Variants in SH3BP1 observed in about 807,000 individuals in gnomAD.
The protein encoded by SH3BP1 is SH3 domain binding protein 1, also known as SH3 domain-binding protein 1.
SH3BP1 carries 46 observed loss-of-function variants against 69.8 expected under a neutral mutation model. The ratio of observed to expected loss-of-function variants is 0.66; its 90% CI spans 0.52 to 0.84. The LOEUF (loss-of-function observed/expected upper bound fraction) is 0.84, where lower values mean the gene tolerates loss of function less well. Ranked by LOEUF, SH3BP1 falls within the 40% of genes least tolerant of loss-of-function variation. SH3BP1 has a pLI of 0.00. For synonymous variants in SH3BP1, 403 were observed against 378.0 expected (o/e 1.07, Z -0.77); for missense variants, 868 against 930.9 (o/e 0.93, Z 0.88).
At position 37,642,529 on chromosome 22, in the gene SH3BP1, C is replaced by G. The variant is rs1267838067; in HGVS notation, c.208-10C>G. 1 of 1,612,840 alleles carries G rather than the reference C, an allele frequency of 6.2e-7. No homozygotes were observed. Among genetic ancestry groups the G allele is most frequent in the African/African-American group, 1.3e-5 (1 of 74,922 alleles). ...ACGGACACTCATCGCCGGCCCCACC[C>G]TCCCTGCAGAAGAAGCTTCCCCTCA... On this transcript the variant is annotated splice_polypyrimidine_tract_variant and intron_variant, in intron 3 of 17. Coordinates refer to ENST00000649765, the MANE Select transcript of SH3BP1 (RefSeq NM_018957.6).
rs540967559 is a variant in SH3BP1 at position 37,655,942 on chromosome 22, C to G, written c.*258C>G. 1 of 1,561,712 alleles carries G rather than the reference C, an allele frequency of 6.4e-7. No homozygotes were observed. The highest frequency in any genetic ancestry group is 8.6e-7 in the Non-Finnish European group (1 of 1,157,594). On this transcript the variant is annotated 3_prime_UTR_variant, in exon 18 of 18. Coordinates refer to ENST00000649765, the MANE Select transcript of SH3BP1 (RefSeq NM_018957.6). The stretch of plus-strand genomic sequence containing the variant: ...CTCCGGCAGGTCCTAGGGGAGCCAC[C>G]GGAAGGAAGGAGAGGTTTGCCTGCT...
In SH3BP1 at chr22:37,643,151, C is replaced by A; in HGVS notation, c.450C>A (p.Ser150=). ...KHKKSLQKLV[S]DWNTLKSRLS... Reference sequence around the variant, plus strand: ...AGAAAAGCCTCCAGAAGCTCGTGTCCGACTGGAACACACTCAAGAGCAGGT... The same window carrying A: ...AGAAAAGCCTCCAGAAGCTCGTGTCAGACTGGAACACACTCAAGAGCAGGT... The change falls in exon 6 of 18, where the codon TCC becomes TCA. Residue 150 remains serine (S), a synonymous_variant. Coordinates refer to ENST00000649765, the MANE Select transcript of SH3BP1 (RefSeq NM_018957.6). The A allele has an allele frequency of 1.2e-6, 2 of 1,607,196 alleles. No individual in the cohort carries two copies. Among genetic ancestry groups the A allele is most frequent in the East Asian group, 2.2e-5 (1 of 44,498 alleles).
intron 13 of SH3BP1, among the ~76,000 whole-genome samples, chr22:37,647,962 C>T (rs921527077): frequency 5.3e-5 from 8 of 152,376 alleles, no homozygotes; most frequent in African/African-American, 1.9e-4. Context: ...AGGCGTGAGG[C>T]ACTGCGCCCA....
intron 10 of SH3BP1, 99 bp from the exon 11 acceptor site, chr22:37,646,719 C>A (rs776601356): frequency 2.1e-5 from 13 of 630,030 alleles, no homozygotes; most frequent in Non-Finnish European, 3.3e-5. Flanking sequence ...GGACACAGGC[C>A]TAGCAAAGGC....
In SH3BP1 at chr22:37,650,595, G is replaced by A; in HGVS notation, c.1468G>A (p.Val490Ile). ...CTCAGCTGTTACCCTCCAGGACACAGTCAGTGACAGGCTGGCCTCTGAGGA... is the reference window on the plus strand; with the variant it reads ...CTCAGCTGTTACCCTCCAGGACACAATCAGTGACAGGCTGGCCTCTGAGGA... ...LFSAVTLQDT[V>I]SDRLASEELP... The change falls in exon 16 of 18, where the codon GTC becomes ATC. Residue 490 changes from valine (V) to isoleucine (I), a missense_variant. Physicochemically the swap from Val to Ile is conservative, Grantham distance 29. Around this residue, in one of 3 missense-constraint regions of SH3BP1, gnomAD observed 474 missense variants for 462.3 expected, o/e 1.03. Coordinates refer to ENST00000649765, the MANE Select transcript of SH3BP1 (RefSeq NM_018957.6). 6.2e-7 allele frequency: 1 copy of A among 1,614,076 alleles called. No individual in the cohort carries two copies. Among genetic ancestry groups the A allele is most frequent in the Non-Finnish European group, 8.5e-7 (1 of 1,180,020 alleles).
rs1473009669 is a variant in SH3BP1 at position 37,655,988 on chromosome 22, C to A, written c.*304C>A. ...CTGCTCCTACGGGACTGATTCTTCT[C>A]TTGCCGACATGTTTTTTGTAAGGCT... On this transcript the variant is annotated 3_prime_UTR_variant, in exon 18 of 18. Transcript: ENST00000649765. 4.6e-6 allele frequency: 7 copies of A among 1,517,030 alleles called. No homozygotes were observed. The South Asian group carries it at 6.7e-5, about 15-fold the overall frequency. The allele number at this position is 1,517,030 out of a possible 1,614,324, so 94.0% of individuals were successfully genotyped here.
At chr22:37,650,330 C>T (rs1411152673) in intron 15 of SH3BP1, 81 bp downstream of exon 15, 1 of 1,524,556 alleles carries the variant, frequency 6.6e-7, no homozygotes, top group African/African-American at 1.4e-5. Context: ...CACAAACTCA[C>T]CATAAGTCCA....
Position 37,655,835 on chromosome 22 carries a change from G to C in SH3BP1, c.*151G>C. The C allele has an allele frequency of 6.7e-7, 1 of 1,483,160 alleles. No homozygotes were observed. Among genetic ancestry groups the C allele is most frequent in the Non-Finnish European group, 8.9e-7 (1 of 1,123,408 alleles). The allele number at this position is 1,483,160 out of a possible 1,614,324, so 91.9% of individuals were successfully genotyped here. The stretch of plus-strand genomic sequence containing the variant: ...CCACTGGGTCGGCCCCCATGGCCAG[G>C]AGGGCTCAGGACAATCCTCTATTTC... On this transcript the variant is annotated 3_prime_UTR_variant, in exon 18 of 18. Transcript: ENST00000649765.
intron 8 of SH3BP1, 22 bp from the exon 9 acceptor site, chr22:37,644,848 G>T (rs765475106): frequency 6.2e-7 from 1 of 1,613,510 alleles, no homozygotes; most frequent in Non-Finnish European, 8.5e-7. Flanking sequence ...CTTCCGCTCA[G>T]GGTGTCCCTT....
At chr22:37,649,458 C>T (rs1316733162) in intron 14 of SH3BP1, among the ~76,000 whole-genome samples, 1 of 151,924 alleles carries the variant, frequency 6.6e-6, no homozygotes, top group Non-Finnish European at 1.5e-5. Context: ...TGCATTCCAG[C>T]CTGTGTGACA....
intron 15 of SH3BP1, 40 bp from the exon 16 acceptor site, chr22:37,650,502 C>T (rs769454654): frequency 1.2e-5 from 19 of 1,575,634 alleles, no homozygotes; most frequent in African/African-American, 8.1e-5. Context: ...AGGAGCCTGG[C>T]GCGGTCTCTG....
chr22:37,650,730 G>A lies in SH3BP1; in HGVS notation c.1598+5G>A, dbSNP rs1052141848. The A allele has an allele frequency of 1.3e-6, 2 of 1,599,674 alleles. No homozygotes were observed. The highest frequency in any genetic ancestry group is 1.7e-5 in the Admixed American group (1 of 58,514). On this transcript the variant is annotated splice_donor_5th_base_variant and intron_variant, in intron 16 of 17. Transcript: ENST00000649765. Reference sequence around the variant, plus strand: ...TTCAGCAGCTACCAAGGAAAGGTGAGGACTGAGGGGCTTGAATGGCTCCTG... The same window carrying A: ...TTCAGCAGCTACCAAGGAAAGGTGAAGACTGAGGGGCTTGAATGGCTCCTG...
chr22:37,641,455 G>T lies in SH3BP1; in HGVS notation c.184G>T (p.Gly62Trp). ...RLQACLQGQS[G>W]ADMDKRVKKL... The stretch of plus-strand genomic sequence containing the variant: ...GCAGGCCTGTCTGCAGGGCCAGAGC[G>T]GGGCAGACATGGACAAGCGGGTGGT... The change falls in exon 3 of 18, where the codon GGG becomes TGG. Residue 62 changes from glycine (G) to tryptophan (W), a missense_variant. Transcript: ENST00000649765. 1.9e-6 allele frequency: 3 copies of T among 1,551,100 alleles called. No individual in the cohort carries two copies. The highest frequency in any genetic ancestry group is 1.2e-5 in the South Asian group (1 of 84,066).
At chr22:37,641,701 C>G (rs1403033014) in intron 3 of SH3BP1, 2 of 531,928 alleles carry the variant, frequency 3.8e-6, no homozygotes, top group East Asian at 6.5e-5. Flanking sequence ...TAAGCCAAGG[C>G]CAGGCTTCTG....
intron 17 of SH3BP1, among the ~76,000 whole-genome samples, chr22:37,654,765 C>T (rs543733771): frequency 6.6e-6 from 1 of 152,092 alleles, no homozygotes; most frequent in African/African-American, 2.4e-5. Context: ...GGCGGAACAG[C>T]TCTGGGAGCC....
chr22:37,650,866 T>G, intron 16 of SH3BP1, 141 bp downstream of exon 16: 3 of 1,153,358 alleles, frequency 2.6e-6, no homozygotes, highest in Non-Finnish European at 3.6e-6. Context: ...TCTCCTAGTT[T>G]GGAGAGGGTG....
intron 10 of SH3BP1, 35 bp downstream of exon 10, chr22:37,645,545 T>C (rs761290925): frequency 1.5e-5 from 24 of 1,584,676 alleles, no homozygotes; most frequent in Non-Finnish European, 2.1e-5. Flanking sequence ...GAAGGAGCAC[T>C]GGGGCCCTCA....
Position 37,641,111 on chromosome 22 carries a change from C to CCCCCCAA in SH3BP1, c.60-15_60-14insCCCCCAA. ...GCAGAAGCACTCTCCCCCCCCCCCCCACCACTCCCCGCAGCACCCCGGAGA... is the reference window on the plus strand; with the variant it reads ...GCAGAAGCACTCTCCCCCCCCCCCCCCCCCCAAACCACTCCCCGCAGCACCCCGGAGA... On this transcript the variant is annotated splice_polypyrimidine_tract_variant and intron_variant, in intron 1 of 17. Transcript: ENST00000649765. 7.4e-7 allele frequency: 1 copy of CCCCCCAA among 1,359,264 alleles called. No individual in the cohort carries two copies. Among genetic ancestry groups the CCCCCCAA allele is most frequent in the Non-Finnish European group, 1.0e-6 (1 of 995,972 alleles). The allele number at this position is 1,359,264 out of a possible 1,614,324, so 84.2% of individuals were successfully genotyped here. A position where few individuals can be genotyped will look rare whatever the true frequency, so the allele number is the denominator to read the frequency against.
chr22:37,642,740 C>A, intron 4 of SH3BP1, 125 bp downstream of exon 4: 1 of 1,602,798 alleles, frequency 6.2e-7, no homozygotes, highest in South Asian at 1.1e-5. Context: ...GTTCCCAGGT[C>A]AGTGAGGGTG....
Sources: gnomAD v4.1 joint callset for allele counts (sites outside exome capture counted in the v4.1 genomes callset) on GRCh38, gnomAD v4.1.1 for gene constraint, gnomAD v4.1.1 regional missense constraint, MANE v1.5 for transcripts, NCBI Gene and HGNC (gene_info 2026-07-23, HGNC 2026-07-21) for gene names.